CNTN5: variants seen among roughly 807,000 people sequenced by gnomAD.
CNTN5 encodes the protein contactin-5.
In CNTN5, 77 loss-of-function variants were observed where a neutral mutation model predicts 129.1. The ratio of observed to expected loss-of-function variants is 0.60; its 90% CI spans 0.50 to 0.72. The LOEUF is 0.72. Ranked by LOEUF, CNTN5 falls within the 30% of genes least tolerant of loss-of-function variation. CNTN5 has a pLI of 0.00. For synonymous variants in CNTN5, 509 were observed against 465.6 expected (o/e 1.09, Z -1.20); for missense variants, 1,478 against 1,328.8 (o/e 1.11, Z -1.75).
intron 3 of CNTN5, among the ~76,000 whole-genome samples, chr11:99,620,436 C>T (rs543723830): frequency 1.4e-5 from 2 of 145,380 alleles, no homozygotes; most frequent in Admixed American, 7.3e-5. Flanking sequence ...TTTCATTTGA[C>T]ATTTCAGTAG....
At chr11:99,952,700 A>C (rs993839914) in intron 7 of CNTN5, among the ~76,000 whole-genome samples, 1 of 152,130 alleles carries the variant, frequency 6.6e-6, no homozygotes, top group Non-Finnish European at 1.5e-5. Flanking sequence ...CCTGGACAAA[A>C]GTTATATTTT....
intron 16 of CNTN5, among the ~76,000 whole-genome samples, chr11:100,243,476 C>A (rs1378099231): frequency 6.6e-6 from 1 of 152,178 alleles, no homozygotes; most frequent in Non-Finnish European, 1.5e-5. Flanking sequence ...ACAACAGCTT[C>A]TTTAATCTAC....
In CNTN5 at chr11:100,074,319, G is replaced by C. The variant is rs757935735; in HGVS notation, c.1580+25G>C. On this transcript the variant is annotated intron_variant, in intron 13 of 24. Coordinates refer to ENST00000524871, the MANE Select transcript of CNTN5 (RefSeq NM_014361.4). ...GGTTAGAATCTATTTTATAATTCAA[G>C]TTCAACATTAGACTTTTTTGAGGTT... 8.6e-5 allele frequency: 134 copies of C among 1,553,670 alleles called. 2 individuals are homozygous for C. In the South Asian group the frequency reaches 1.5e-3, roughly 17 times the overall value.
intron 3 of CNTN5, among the ~76,000 whole-genome samples, chr11:99,805,359 G>A (rs1054932159): frequency 2.0e-5 from 3 of 152,094 alleles, no homozygotes; most frequent in Admixed American, 1.3e-4. Context: ...AAAAAAGCCC[G>A]AAGGTCAGAG....
intron 2 of CNTN5, among the ~76,000 whole-genome samples, chr11:99,425,866 C>G (rs1354997663): frequency 6.6e-6 from 1 of 152,262 alleles, no homozygotes; most frequent in Non-Finnish European, 1.5e-5. Context: ...TCCTCCCCCA[C>G]TGCAGCCAGT....
At chr11:99,097,675 T>C (rs908140395) in intron 1 of CNTN5, among the ~76,000 whole-genome samples, 9 of 151,910 alleles carry the variant, frequency 5.9e-5, no homozygotes, top group African/African-American at 1.9e-4. Flanking sequence ...TTTTGAAAAC[T>C]TAAGCCATTA....
chr11:99,923,891 G>A (rs562311067), intron 7 of CNTN5, among the ~76,000 whole-genome samples: 7 of 152,108 alleles, frequency 4.6e-5, no homozygotes, highest in Non-Finnish European at 8.8e-5. Flanking sequence ...GGCTTCAAGC[G>A]ATTCCCCTGC....
intron 3 of CNTN5, among the ~76,000 whole-genome samples, chr11:99,660,751 A>G (rs554860553): frequency 3.3e-4 from 50 of 152,262 alleles, no homozygotes; most frequent in African/African-American, 1.2e-3. Context: ...TCCAAATTCT[A>G]TGCAGCCGCC....
chr11:99,608,624 C>A (rs1950504231), intron 3 of CNTN5, among the ~76,000 whole-genome samples: 1 of 152,086 alleles, frequency 6.6e-6, no homozygotes, highest in South Asian at 2.1e-4. Context: ...TAGTCATCTA[C>A]AAGCCAAGTA....
chr11:99,138,650 G>A lies in CNTN5; in HGVS notation c.-210+117380G>A, dbSNP rs547725900. On this transcript the variant is annotated intron_variant, in intron 1 of 24. Transcript: ENST00000524871. ...TTTGTATAATGAGATTTTGAAACTT[G>A]TTCAAAGAAACTATATCTCTTTTAC... 2.0e-5 allele frequency among the ~76,000 whole-genome samples: 3 copies of A among 152,172 alleles called. No homozygotes were observed. The East Asian group carries it at 5.8e-4, about 29-fold the overall frequency.
intron 3 of CNTN5, among the ~76,000 whole-genome samples, chr11:99,713,961 A>C (rs1029352276): frequency 9.2e-5 from 14 of 152,062 alleles, no homozygotes; most frequent in Admixed American, 8.5e-4. Context: ...TCGTGAGCAG[A>C]ATGGGGACCA....
Position 99,347,758 on chromosome 11 carries a change from G to T in CNTN5, c.-71+22274G>T, listed in dbSNP as rs569713756. On this transcript the variant is annotated intron_variant, in intron 2 of 24. Coordinates refer to ENST00000524871, the MANE Select transcript of CNTN5 (RefSeq NM_014361.4). ...GCCCCGATATTTTTCGTTCTGAGGT[G>T]GGTAGGAGTTGTTTCTGTCAGCAGA... is the stretch of plus-strand genomic sequence containing the variant. Among the ~76,000 whole-genome samples the T allele has an allele frequency of 3.4e-4, 52 of 152,214 alleles. 2 individuals are homozygous for T. In the South Asian group the frequency reaches 0.011, roughly 32 times the overall value.
At chr11:100,081,960 T>C (rs1944383282) in intron 13 of CNTN5, among the ~76,000 whole-genome samples, 1 of 152,280 alleles carries the variant, frequency 6.6e-6, no homozygotes, top group Admixed American at 6.5e-5. Context: ...ATATTGCCAA[T>C]TGGCAAAAAT....
chr11:99,136,096 T>C (rs1327832151), intron 1 of CNTN5, among the ~76,000 whole-genome samples: 1 of 152,168 alleles, frequency 6.6e-6, no homozygotes, highest in Non-Finnish European at 1.5e-5. Flanking sequence ...TTGTCATTTC[T>C]CCTTTCTTAT....
chr11:99,143,328 AATAT>A (rs952609053), intron 1 of CNTN5, among the ~76,000 whole-genome samples: 1 of 136,854 alleles, frequency 7.3e-6, no homozygotes, highest in Non-Finnish European at 1.6e-5. Context: ...TAAAATATGT[AATAT>A]ATATGTATGT....
intron 3 of CNTN5, among the ~76,000 whole-genome samples, chr11:99,612,920 T>C (rs1160455242): frequency 1.3e-5 from 2 of 152,156 alleles, no homozygotes; most frequent in Non-Finnish European, 2.9e-5. Flanking sequence ...GGCAAGGAAC[T>C]GAGAGCACTG....
intron 3 of CNTN5, among the ~76,000 whole-genome samples, chr11:99,710,123 T>G (rs1276707401): frequency 1.3e-5 from 2 of 151,756 alleles, no homozygotes; most frequent in African/African-American, 2.4e-5. Flanking sequence ...ATCCCTGAAC[T>G]CACTCATAGA....
intron 1 of CNTN5, among the ~76,000 whole-genome samples, chr11:99,089,987 G>A (rs775067225): frequency 1.2e-4 from 18 of 152,092 alleles, no homozygotes; most frequent in East Asian, 1.9e-4. Context: ...AATCTGGAAC[G>A]TACCTAAGGT....
At chr11:99,766,252 T>C (rs1311886429) in intron 3 of CNTN5, among the ~76,000 whole-genome samples, 1 of 152,090 alleles carries the variant, frequency 6.6e-6, no homozygotes, top group Non-Finnish European at 1.5e-5. Context: ...CATATTTATC[T>C]GTAGAATAAA....
Sources: allele counts gnomAD v4.1 joint callset (sites outside exome capture counted in the v4.1 genomes callset), GRCh38; gene constraint gnomAD v4.1.1; transcripts MANE v1.5; gene names NCBI Gene and HGNC (gene_info 2026-07-23, HGNC 2026-07-21).